The following CRACD variants were observed in gnomAD, a reference collection of about 807,000 sequenced individuals.
CRACD encodes the protein capping protein inhibiting regulator of actin dynamics.
Under a neutral mutation model 106.8 loss-of-function variants are expected in CRACD, and 56 were observed. That is an observed-to-expected ratio of 0.52 (90% CI 0.42 to 0.66). CRACD has a LOEUF of 0.66. Among genes scored for constraint, CRACD ranks in the 30% least tolerant of loss-of-function variants. The pLI is 0.00. For missense variants in CRACD, 1,730 were observed against 1,623.2 expected (o/e 1.07, Z -1.13); for synonymous variants, 754 against 670.8 (o/e 1.12, Z -1.92).
chr4:56,246,524 C>T (rs1469001192), intron 2 of CRACD: 2 of 152,364 alleles, frequency 1.3e-5, no homozygotes, highest in East Asian at 3.9e-4. Context: ...CAAAGCCAAT[C>T]TAACAGTACC....
At chr4:56,223,872 C>T (rs1739169652) in intron 2 of CRACD, among the ~76,000 whole-genome samples, 1 of 152,206 alleles carries the variant, frequency 6.6e-6, no homozygotes, top group African/African-American at 2.4e-5. Flanking sequence ...GATTCTACCA[C>T]CTCAGCCTTC....
chr4:56,302,274 A>G (rs575635907), intron 4 of CRACD, among the ~76,000 whole-genome samples: 1 of 152,274 alleles, frequency 6.6e-6, no homozygotes, highest in African/African-American at 2.4e-5. Context: ...GACATTCCCT[A>G]CAGCTGCCCA....
intron 2 of CRACD, among the ~76,000 whole-genome samples, chr4:56,226,481 C>T (rs1739310358): frequency 6.6e-6 from 1 of 152,034 alleles, no homozygotes; most frequent in Non-Finnish European, 1.5e-5. Context: ...CTCCAGAGGA[C>T]TATAGTGCAA....
chr4:56,132,772 A>G (rs1734869362), intron 1 of CRACD, among the ~76,000 whole-genome samples: 1 of 152,230 alleles, frequency 6.6e-6, no homozygotes, highest in Non-Finnish European at 1.5e-5. Flanking sequence ...GATGATTAGT[A>G]GTCGTGGTAA....
At chr4:56,267,943 G>T (rs372312895) in intron 2 of CRACD, among the ~76,000 whole-genome samples, 40 of 152,308 alleles carry the variant, frequency 2.6e-4, no homozygotes, top group African/African-American at 9.6e-4. Context: ...TCAGAACTAA[G>T]GCTTCCAAAT....
intron 10 of CRACD, among the ~76,000 whole-genome samples, chr4:56,325,239 G>A (rs1746361306): frequency 6.6e-6 from 1 of 152,222 alleles, no homozygotes; most frequent in Non-Finnish European, 1.5e-5. Context: ...GGAGGCTGAG[G>A]TGGGAAGATT....
intron 2 of CRACD, among the ~76,000 whole-genome samples, chr4:56,237,674 T>C (rs1366321206): frequency 6.6e-6 from 1 of 151,900 alleles, no homozygotes; most frequent in East Asian, 1.9e-4. Flanking sequence ...GGTGTTTTCC[T>C]AACAGTAATT....
intron 1 of CRACD, among the ~76,000 whole-genome samples, chr4:56,072,965 A>G (rs1202352458): frequency 6.6e-6 from 1 of 152,162 alleles, no homozygotes; most frequent in East Asian, 1.9e-4. Flanking sequence ...ATAGTATGCC[A>G]TGTTGTGTAT....
At chr4:56,075,891 T>C (rs1161056475) in intron 1 of CRACD, among the ~76,000 whole-genome samples, 1 of 152,188 alleles carries the variant, frequency 6.6e-6, no homozygotes, top group African/African-American at 2.4e-5. Context: ...TTTGCTGAGT[T>C]TCTGTATGTT....
chr4:56,150,036 T>C (rs1009262103), intron 1 of CRACD, among the ~76,000 whole-genome samples: 1 of 152,196 alleles, frequency 6.6e-6, no homozygotes, highest in Admixed American at 6.5e-5. Flanking sequence ...TATAAAGCAC[T>C]ATATTAAATG....
intron 2 of CRACD, among the ~76,000 whole-genome samples, chr4:56,205,011 C>T (rs1439477156): frequency 6.6e-6 from 1 of 152,044 alleles, no homozygotes; most frequent in Non-Finnish European, 1.5e-5. Context: ...AAAAACTTAA[C>T]CGGGTGTGGT....
intron 2 of CRACD, among the ~76,000 whole-genome samples, chr4:56,229,463 A>G (rs1422854282): frequency 6.6e-6 from 1 of 152,218 alleles, no homozygotes; most frequent in Non-Finnish European, 1.5e-5. Context: ...TGGACTTCCC[A>G]GCCTCTAGGA....
At chr4:56,219,513 T>C (rs1384766076) in intron 2 of CRACD, among the ~76,000 whole-genome samples, 1 of 152,054 alleles carries the variant, frequency 6.6e-6, no homozygotes, top group African/African-American at 2.4e-5. Context: ...CACACCCAAC[T>C]AACTTTTGTA....
At chr4:56,087,256 G>T (rs1207843083) in intron 1 of CRACD, among the ~76,000 whole-genome samples, 1 of 152,026 alleles carries the variant, frequency 6.6e-6, no homozygotes, top group South Asian at 2.1e-4. Flanking sequence ...CAGACGATCC[G>T]CCCACCTGGG....
intron 1 of CRACD, among the ~76,000 whole-genome samples, chr4:56,158,272 T>C (rs1362155034): frequency 6.6e-6 from 1 of 152,242 alleles, no homozygotes; most frequent in Non-Finnish European, 1.5e-5. Context: ...GTTCAGATCA[T>C]GCAGGGGTGG....
At chr4:56,312,998 C>T (rs184830394) in intron 6 of CRACD, among the ~76,000 whole-genome samples, 199 bp from the exon 7 acceptor site, 1 of 152,262 alleles carries the variant, frequency 6.6e-6, no homozygotes, top group Admixed American at 6.5e-5. Context: ...TACCAGTGGA[C>T]GCTGGCAGAA....
intron 1 of CRACD, among the ~76,000 whole-genome samples, chr4:56,140,756 A>C (rs150904585): frequency 1.3e-5 from 2 of 152,214 alleles, no homozygotes; most frequent in African/African-American, 2.4e-5. Flanking sequence ...TCTCATCCTC[A>C]CTTTCATTGC....
intron 1 of CRACD, among the ~76,000 whole-genome samples, chr4:56,150,184 T>C (rs1735534642): frequency 6.6e-6 from 1 of 152,188 alleles, no homozygotes; most frequent in Non-Finnish European, 1.5e-5. Flanking sequence ...CTAAAATAGA[T>C]TAATGTCCCC....
At chr4:56,057,205 G>C (rs972028357) in intron 1 of CRACD, among the ~76,000 whole-genome samples, 1 of 152,172 alleles carries the variant, frequency 6.6e-6, no homozygotes, top group Non-Finnish European at 1.5e-5. Context: ...GAAGGCTAAG[G>C]TTCAGAGGTG....
Sources: allele counts gnomAD v4.1 joint callset (sites outside exome capture counted in the v4.1 genomes callset), GRCh38; gene constraint gnomAD v4.1.1; transcripts MANE v1.5; gene names NCBI Gene and HGNC (gene_info 2026-07-23, HGNC 2026-07-21).